Variants in TPO observed in about 807,000 individuals in gnomAD.
The protein encoded by TPO is thyroid microsomal antigen.
TPO carries 78 observed loss-of-function variants against 96.9 expected under a neutral mutation model. The observed-to-expected ratio is 0.81, with a 90% CI of 0.67 to 0.97. The LOEUF is 0.97. Among genes scored for constraint, TPO ranks in the 50% least tolerant of loss-of-function variants. The pLI is 0.00. For synonymous variants in TPO, 547 were observed against 538.0 expected (o/e 1.02, Z -0.23); for missense variants, 1,252 against 1,274.8 (o/e 0.98, Z 0.27).
intron 5 of TPO, among the ~76,000 whole-genome samples, chr2:1,443,302 C>A (rs1185758504): frequency 2.0e-5 from 3 of 149,544 alleles, no homozygotes; most frequent in Admixed American, 1.3e-4. Context: ...GGGAGTGGGG[C>A]AGGCTCCTTC....
intron 6 of TPO, among the ~76,000 whole-genome samples, chr2:1,455,420 CAATCCA>C (rs1254374620): frequency 6.6e-6 from 1 of 152,126 alleles, no homozygotes; most frequent in Non-Finnish European, 1.5e-5. Context: ...GCCCAAAATC[CAATCCA>C]AATCTCACCA....
At position 1,380,073 on chromosome 2, in the gene TPO, A is replaced by G. The variant is rs1024061652; in HGVS notation, n.180+5671A>G. Among the ~76,000 whole-genome samples the G allele has an allele frequency of 7.9e-5, 12 of 152,250 alleles. No individual in the cohort carries two copies. The East Asian group carries it at 9.7e-4, about 12-fold the overall frequency. ...TATTTGTTCCTTATTTTATTTGATA[A>G]CCCTGAAACACAATTTTTCCCATGA... On this transcript the variant is annotated intron_variant and non_coding_transcript_variant, in intron 1 of 5. Transcript: ENST00000497517.
At chr2:1,493,734 A>G (rs1007438304) in intron 10 of TPO, 68 bp from the exon 11 acceptor site, 12 of 1,576,234 alleles carry the variant, frequency 7.6e-6, no homozygotes, top group Non-Finnish European at 6.1e-6. Context: ...GGACCATGGC[A>G]TGAGTGAGAT....
chr2:1,455,631 C>T (rs1253428458), intron 6 of TPO, among the ~76,000 whole-genome samples: 1 of 152,160 alleles, frequency 6.6e-6, no homozygotes, highest in Non-Finnish European at 1.5e-5. Flanking sequence ...TCACTCCTCC[C>T]AACCCACGTT....
chr2:1,411,390 C>T (rs924347785), upstream of TPO, among the ~76,000 whole-genome samples: 2 of 152,136 alleles, frequency 1.3e-5, no homozygotes, highest in Admixed American at 6.5e-5. Flanking sequence ...TGCATGCAAA[C>T]CCCCTCTTCC....
chr2:1,460,265 C>T (rs998560788), intron 7 of TPO, among the ~76,000 whole-genome samples: 2 of 152,110 alleles, frequency 1.3e-5, no homozygotes, highest in African/African-American at 4.8e-5. Flanking sequence ...CTCAGGACCC[C>T]AAAGTTCTCA....
At chr2:1,524,247 C>G (rs1156705903) in intron 15 of TPO, among the ~76,000 whole-genome samples, 1 of 147,156 alleles carries the variant, frequency 6.8e-6, no homozygotes, top group Non-Finnish European at 1.5e-5. Flanking sequence ...CAAATCCCCC[C>G]ACTGTGTGCA....
chr2:1,393,514 C>G (rs918201939), intron 1 of TPO, among the ~76,000 whole-genome samples: 11 of 152,300 alleles, frequency 7.2e-5, no homozygotes, highest in Non-Finnish European at 1.5e-5. Context: ...GTGGGGGACC[C>G]TTGTGCCCAA....
chr2:1,528,651 A>G (rs1483959429), intron 15 of TPO, among the ~76,000 whole-genome samples: 1 of 55,090 alleles, frequency 1.8e-5, no homozygotes, highest in Non-Finnish European at 3.4e-5. Flanking sequence ...GTGCAACCTC[A>G]CCACATCCAC....
chr2:1,403,934 T>C (rs975878609), intron 1 of TPO, among the ~76,000 whole-genome samples: 22 of 152,310 alleles, frequency 1.4e-4, no homozygotes, highest in Admixed American at 5.9e-4. Flanking sequence ...TTGACAAAGC[T>C]TGGGATGGGG....
chr2:1,499,677 CCA>C (rs1444966732), intron 13 of TPO, among the ~76,000 whole-genome samples: 1 of 152,140 alleles, frequency 6.6e-6, no homozygotes, highest in Non-Finnish European at 1.5e-5. Flanking sequence ...GCGTCAGAAT[CCA>C]CACTCTTCAC....
At chr2:1,412,878 A>G (rs1456905314), upstream of TPO, among the ~76,000 whole-genome samples, 3 of 151,408 alleles carry the variant, frequency 2.0e-5, no homozygotes, top group African/African-American at 7.3e-5. Context: ...TTCCTACAGA[A>G]CATCTCTGTC....
At chr2:1,439,974 T>A (rs749877247) in intron 5 of TPO, among the ~76,000 whole-genome samples, 4 of 152,180 alleles carry the variant, frequency 2.6e-5, no homozygotes, top group Non-Finnish European at 5.9e-5. Flanking sequence ...ACTAAATTGC[T>A]AAGTTCCCCC....
At chr2:1,531,547 C>G (rs1678251021) in intron 15 of TPO, among the ~76,000 whole-genome samples, 1 of 92,486 alleles carries the variant, frequency 1.1e-5, no homozygotes, top group African/African-American at 4.0e-5. Flanking sequence ...ATCCCTCCCA[C>G]TCTGTGCAAA....
chr2:1,503,372 C>T (rs897180745), intron 13 of TPO, among the ~76,000 whole-genome samples: 2 of 152,256 alleles, frequency 1.3e-5, no homozygotes, highest in African/African-American at 4.8e-5. Flanking sequence ...TTTTCTAAAA[C>T]TGGCCAGAAA....
chr2:1,381,135 A>C (rs1661803322), intron 1 of TPO, among the ~76,000 whole-genome samples: 1 of 152,192 alleles, frequency 6.6e-6, no homozygotes, highest in Non-Finnish European at 1.5e-5. Context: ...AAACACCAAA[A>C]GCAATGGCAA....
At chr2:1,450,874 TTTA>T (rs1318509320) in intron 5 of TPO, among the ~76,000 whole-genome samples, 1 of 152,222 alleles carries the variant, frequency 6.6e-6, no homozygotes. Context: ...ATCTGAACAC[TTTA>T]TTAAAGCAAT....
intron 15 of TPO, among the ~76,000 whole-genome samples, chr2:1,518,370 G>A (rs1044093457): frequency 7.9e-5 from 12 of 152,136 alleles, no homozygotes; most frequent in Non-Finnish European, 1.6e-4. Flanking sequence ...GATCTTTATC[G>A]TTTCCAAAGG....
intron 1 of TPO, among the ~76,000 whole-genome samples, chr2:1,382,285 T>C (rs1205161400): frequency 6.6e-6 from 1 of 152,156 alleles, no homozygotes; most frequent in Non-Finnish European, 1.5e-5. Flanking sequence ...TATTCCTGGC[T>C]GGGCAGCTCC....
Sources: gnomAD v4.1 joint callset for allele counts (sites outside exome capture counted in the v4.1 genomes callset) on GRCh38, gnomAD v4.1.1 for gene constraint, MANE v1.5 for transcripts, NCBI Gene and HGNC (gene_info 2026-07-23, HGNC 2026-07-21) for gene names.